The following RAP1GAP2 variants were observed in gnomAD, a reference collection of about 807,000 sequenced individuals.
The protein encoded by RAP1GAP2 is RAP1 GTPase activating protein 2.
Under a neutral mutation model 95.0 loss-of-function variants are expected in RAP1GAP2, and 27 were observed. The observed-to-expected ratio is 0.28, with a 90% CI of 0.21 to 0.39. The LOEUF (loss-of-function observed/expected upper bound fraction) is 0.39, where lower values mean the gene tolerates loss of function less well. Among genes scored for constraint, RAP1GAP2 ranks in the 10% least tolerant of loss-of-function variants. The pLI, the probability that RAP1GAP2 is intolerant of heterozygous loss-of-function variation, is 1.00. For synonymous variants in RAP1GAP2, 373 were observed against 380.9 expected (o/e 0.98, Z 0.24); for missense variants, 771 against 970.0 (o/e 0.79, Z 2.72).
intron 3 of RAP1GAP2, among the ~76,000 whole-genome samples, chr17:2,936,679 T>G (rs1044657402): frequency 6.6e-6 from 1 of 152,150 alleles, no homozygotes; most frequent in Non-Finnish European, 1.5e-5. Context: ...ATATTGAGTC[T>G]TGCTCTTCTA....
intron 11 of RAP1GAP2, among the ~76,000 whole-genome samples, chr17:2,988,666 T>A (rs182630797): frequency 9.6e-4 from 146 of 152,316 alleles, no homozygotes; most frequent in Admixed American, 2.6e-3. Context: ...GCTGTGAACA[T>A]CTGTATATAG....
intron 2 of RAP1GAP2, among the ~76,000 whole-genome samples, chr17:2,830,177 C>T (rs540593746): frequency 3.9e-5 from 6 of 152,126 alleles, no homozygotes; most frequent in Admixed American, 2.0e-4. Context: ...TTTGGGAGGC[C>T]GAGGTGGGCG....
intron 17 of RAP1GAP2, among the ~76,000 whole-genome samples, chr17:3,014,670 C>T (rs138735474): frequency 0.055 from 8,397 of 151,772 alleles, 318 homozygotes; most frequent in Non-Finnish European, 0.079. Context: ...CTGCCTCAGC[C>T]TGCCGAGTAG....
intron 3 of RAP1GAP2, among the ~76,000 whole-genome samples, chr17:2,938,542 T>C (rs912013158): frequency 8.5e-5 from 13 of 152,162 alleles, no homozygotes; most frequent in Non-Finnish European, 1.8e-4. Flanking sequence ...CTCTGGGCCC[T>C]GAGCTCATGG....
In RAP1GAP2 at chr17:2,790,432, T is replaced by C. The variant is rs552574671; in HGVS notation, c.-13-10083T>C. The stretch of plus-strand genomic sequence containing the variant: ...CCGCACCCGACCTCTCTATCACCCT[T>C]TATCTTCATATGGTTTATGAAGGAA... On this transcript the variant is annotated intron_variant, in intron 1 of 24. Coordinates refer to the RAP1GAP2 transcript ENST00000540393. Among the ~76,000 whole-genome samples, 14 of 152,266 alleles carry C rather than the reference T, an allele frequency of 9.2e-5. No individual in the cohort carries two copies. In the East Asian group the frequency reaches 2.1e-3, roughly 23 times the overall value.
rs925377192 is a variant in RAP1GAP2, at chr17:2,809,882, C to T, written c.80+9332C>T. Among the ~76,000 whole-genome samples, 10 of 152,278 alleles carry T rather than the reference C, an allele frequency of 6.6e-5. 1 individual carries two copies. The highest frequency in any genetic ancestry group is 2.1e-4 in the South Asian group (1 of 4,826). Reference sequence around the variant, plus strand: ...GCAGCCCTCAGGGGCCGTACAGAGACGACGCTGGTGTCTGGGAGCGGGGTG... The same window carrying T: ...GCAGCCCTCAGGGGCCGTACAGAGATGACGCTGGTGTCTGGGAGCGGGGTG... On this transcript the variant is annotated intron_variant, in intron 2 of 24. Coordinates refer to ENST00000254695, the MANE Select transcript of RAP1GAP2 (RefSeq NM_015085.5).
intron 2 of RAP1GAP2, among the ~76,000 whole-genome samples, chr17:2,841,109 T>G (rs1277866321): frequency 6.6e-6 from 1 of 151,806 alleles, no homozygotes; most frequent in Non-Finnish European, 1.5e-5. Context: ...GAGCCGAGAT[T>G]GCGCCACTGC....
intron 1 of RAP1GAP2, among the ~76,000 whole-genome samples, chr17:2,784,718 C>T (rs950110963): frequency 1.3e-5 from 2 of 152,132 alleles, no homozygotes; most frequent in African/African-American, 4.8e-5. Context: ...GGGTGGGGCC[C>T]GTAATGAGAG....
At chr17:2,769,232 TAAA>T (rs58436827) in intron 1 of RAP1GAP2, among the ~76,000 whole-genome samples, 3 of 42,872 alleles carry the variant, frequency 7.0e-5, no homozygotes, top group African/African-American at 1.9e-4. Flanking sequence ...ACCATTTCTC[TAAA>T]AAAAAAAAAA....
chr17:2,833,238 G>A (rs1039749044), intron 2 of RAP1GAP2, among the ~76,000 whole-genome samples: 2 of 150,078 alleles, frequency 1.3e-5, no homozygotes, highest in African/African-American at 4.9e-5. Flanking sequence ...TGCCTCCTGG[G>A]TTCAAGCGAT....
At chr17:2,891,713 A>G (rs561439088) in intron 2 of RAP1GAP2, among the ~76,000 whole-genome samples, 1 of 151,362 alleles carries the variant, frequency 6.6e-6, no homozygotes, top group East Asian at 1.9e-4. Context: ...TAGGTTGAAA[A>G]TAATTTTCTT....
At chr17:2,888,792 C>T (rs1037391165) in intron 2 of RAP1GAP2, among the ~76,000 whole-genome samples, 2 of 150,310 alleles carry the variant, frequency 1.3e-5, no homozygotes, top group African/African-American at 4.9e-5. Flanking sequence ...GTTGGGACTA[C>T]AGTGTACACC....
At chr17:2,999,246 C>T (rs1310413892) in intron 14 of RAP1GAP2, among the ~76,000 whole-genome samples, 1 of 152,198 alleles carries the variant, frequency 6.6e-6, no homozygotes, top group Admixed American at 6.5e-5. Flanking sequence ...AAAGAATCTC[C>T]ACCTCTTGGG....
At chr17:2,978,997 TA>T (rs201886732) in intron 8 of RAP1GAP2, among the ~76,000 whole-genome samples, 36 of 140,048 alleles carry the variant, frequency 2.6e-4, no homozygotes, top group African/African-American at 8.1e-4. Context: ...GATAAATAAA[TA>T]AAAAAAATAA....
chr17:2,997,729 C>A, intron 13 of RAP1GAP2, among the ~76,000 whole-genome samples: 1 of 151,918 alleles, frequency 6.6e-6, no homozygotes, highest in Admixed American at 6.6e-5. Flanking sequence ...TTAAGACCAG[C>A]CTGGCCAACA....
At position 2,980,333 on chromosome 17, in the gene RAP1GAP2, A is replaced by G; in HGVS notation, c.643A>G (p.Ser215Gly). The G allele has an allele frequency of 6.2e-7, 1 of 1,613,912 alleles. No homozygotes were observed. ...TGAGCGGATCCCCTTGGCTGGACTGAGCAAGCTTCCCAGTGTCCCTCAGAT... is the reference window on the plus strand; with the variant it reads ...TGAGCGGATCCCCTTGGCTGGACTGGGCAAGCTTCCCAGTGTCCCTCAGAT... ...VHERIPLAGL[S>G]KLPSVPQIAK... The change falls in exon 9 of 25, where the codon AGC becomes GGC. Residue 215 changes from serine to glycine, a missense_variant. Physicochemically the swap from Ser to Gly is moderately conservative, Grantham distance 56 (BLOSUM62 0). Coordinates refer to ENST00000254695, the MANE Select transcript of RAP1GAP2 (RefSeq NM_015085.5).
chr17:2,877,736 G>T (rs1442460552), intron 2 of RAP1GAP2, among the ~76,000 whole-genome samples: 4 of 152,210 alleles, frequency 2.6e-5, no homozygotes. Flanking sequence ...GGGTGACAGA[G>T]AATTAAATGA....
At chr17:2,953,462 G>T (rs1295315083) in intron 3 of RAP1GAP2, among the ~76,000 whole-genome samples, 1 of 152,316 alleles carries the variant, frequency 6.6e-6, no homozygotes, top group South Asian at 2.1e-4. Context: ...TAAGCAACAT[G>T]AATCTGTTGC....
chr17:3,022,706 T>A (rs944834249), intron 19 of RAP1GAP2, among the ~76,000 whole-genome samples: 1 of 152,242 alleles, frequency 6.6e-6, no homozygotes, highest in Non-Finnish European at 1.5e-5. Context: ...GTTGATTGTT[T>A]CCTTTGGTGT....
Sources: allele counts gnomAD v4.1 joint callset (sites outside exome capture counted in the v4.1 genomes callset), GRCh38; gene constraint gnomAD v4.1.1; transcripts MANE v1.5; gene names NCBI Gene and HGNC (gene_info 2026-07-23, HGNC 2026-07-21).